Variants in CATSPERB observed in about 807,000 individuals in gnomAD.
The protein encoded by CATSPERB is cation channel sperm-associated auxiliary subunit beta.
In CATSPERB, 93 loss-of-function variants were observed where a neutral mutation model predicts 128.3. The observed-to-expected ratio is 0.72, with a 90% CI of 0.61 to 0.86. The LOEUF is 0.86. CATSPERB is among the 40% of genes least tolerant of loss of function. The pLI is 0.00. For missense variants in CATSPERB, 1,153 were observed against 1,329.5 expected (o/e 0.87, Z 2.06); for synonymous variants, 381 against 448.8 (o/e 0.85, Z 1.91).
intron 11 of CATSPERB, among the ~76,000 whole-genome samples, chr14:91,682,145 C>T (rs1487334266): frequency 3.9e-5 from 6 of 152,162 alleles, no homozygotes; most frequent in Admixed American, 1.3e-4. Context: ...AAGCCACCAA[C>T]CTAAGTACTT....
intron 6 of CATSPERB, among the ~76,000 whole-genome samples, chr14:91,705,658 T>C (rs1895721290): frequency 6.6e-6 from 1 of 152,162 alleles, no homozygotes; most frequent in Admixed American, 6.5e-5. Flanking sequence ...ACAACCCTAT[T>C]TTTCAGTCCT....
rs370343662 is a variant in CATSPERB at position 91,610,978 on chromosome 14, G to T, written c.2401-301C>A. The stretch of plus-strand genomic sequence containing the variant: ...GGCCATACACAAGCCAAGTAGGGGG[G>T]CTGCAGAGGAAACCAACCCTGCTGA... On this transcript the variant is annotated intron_variant, in intron 20 of 26. Coordinates refer to ENST00000256343, the MANE Select transcript of CATSPERB (RefSeq NM_024764.4). Among the ~76,000 whole-genome samples the T allele has an allele frequency of 2.6e-5, 4 of 152,210 alleles. No individual in the cohort carries two copies. The East Asian group carries it at 5.8e-4, about 22-fold the overall frequency.
rs1393769577 is a variant in CATSPERB at position 91,644,039 on chromosome 14, C to T, written c.1433-4789G>A. Reference sequence around the variant, plus strand: ...CAGAGACTAGGATTGCAACCCTTGCCTTTTTTTGTTTTCCATTTGCTTGGT... The same window carrying T: ...CAGAGACTAGGATTGCAACCCTTGCTTTTTTTTGTTTTCCATTTGCTTGGT... On this transcript the variant is annotated intron_variant, in intron 15 of 26. Coordinates refer to ENST00000256343, the MANE Select transcript of CATSPERB (RefSeq NM_024764.4). 8.7e-5 allele frequency among the ~76,000 whole-genome samples: 12 copies of T among 138,434 alleles called. 5 individuals carry two copies. The highest frequency in any genetic ancestry group is 1.6e-4 in the Non-Finnish European group (10 of 62,830). The allele number at this position is 138,434 out of a possible 152,430, so 90.8% of individuals were successfully genotyped here.
At chr14:91,611,997 T>G (rs1893836747) in intron 20 of CATSPERB, among the ~76,000 whole-genome samples, 2 of 150,752 alleles carry the variant, frequency 1.3e-5, no homozygotes, top group South Asian at 4.2e-4. Flanking sequence ...ATAAAATAAC[T>G]TTGATTGTTT....
At chr14:91,708,103 A>G (rs1304164531) in intron 6 of CATSPERB, 38 bp downstream of exon 6, 3 of 1,406,482 alleles carry the variant, frequency 2.1e-6, no homozygotes, top group East Asian at 2.3e-5. Flanking sequence ...TTGAAAGAAT[A>G]TATGAATTCC....
At chr14:91,685,207 A>T (rs1895352203) in intron 10 of CATSPERB, among the ~76,000 whole-genome samples, 1 of 152,206 alleles carries the variant, frequency 6.6e-6, no homozygotes, top group African/African-American at 2.4e-5. Flanking sequence ...GACTATAGGC[A>T]TGAGCCACTA....
chr14:91,587,510 T>C (rs1455644168), intron 25 of CATSPERB, among the ~76,000 whole-genome samples: 1 of 132,708 alleles, frequency 7.5e-6, no homozygotes, highest in Non-Finnish European at 1.6e-5. Context: ...TTTTTTAGAA[T>C]GAGGAGACAA....
intron 15 of CATSPERB, among the ~76,000 whole-genome samples, chr14:91,646,706 C>T (rs1489889547): frequency 3.9e-5 from 6 of 152,210 alleles, no homozygotes; most frequent in Admixed American, 3.9e-4. Context: ...GGGCTCCTTC[C>T]TCTCCAATCT....
At chr14:91,615,885 C>T (rs201296750) in intron 20 of CATSPERB, among the ~76,000 whole-genome samples, 9 of 142,174 alleles carry the variant, frequency 6.3e-5, no homozygotes, top group Admixed American at 1.4e-4. Flanking sequence ...TACAGTTTTC[C>T]TTTTTTTTTT....
intron 22 of CATSPERB, among the ~76,000 whole-genome samples, chr14:91,596,880 A>G (rs575293405): frequency 6.6e-6 from 1 of 152,122 alleles, no homozygotes; most frequent in South Asian, 2.1e-4. Context: ...TAGGTTAGAA[A>G]AAGACATAAT....
rs553412596 is a variant in CATSPERB, at chr14:91,624,176, C to T, written c.1930+644G>A. Among the ~76,000 whole-genome samples the T allele has an allele frequency of 3.9e-4, 60 of 152,176 alleles. 1 individual carries two copies. Among genetic ancestry groups the T allele is most frequent in the African/African-American group, 1.1e-3 (47 of 41,512 alleles). ...CAGCCTGGCTAACAAGGTGAAACCC[C>T]GTCTCCTAAAAAGACAAAAATTAGG... On this transcript the variant is annotated intron_variant, in intron 18 of 26. Coordinates refer to ENST00000256343, the MANE Select transcript of CATSPERB (RefSeq NM_024764.4).
intron 11 of CATSPERB, among the ~76,000 whole-genome samples, chr14:91,682,542 C>T (rs144896616): frequency 7.9e-4 from 121 of 152,260 alleles, no homozygotes; most frequent in Non-Finnish European, 1.5e-3. Flanking sequence ...ACCCTTCCCC[C>T]GGGGCTGCTT....
intron 26 of CATSPERB, 104 bp downstream of exon 26, chr14:91,587,098 C>G: frequency 1.2e-6 from 1 of 831,960 alleles, no homozygotes; most frequent in East Asian, 2.7e-5. Context: ...CCTTGTCCAT[C>G]ACACAAATTC....
intron 17 of CATSPERB, among the ~76,000 whole-genome samples, chr14:91,630,606 C>G (rs193138941): frequency 3.9e-5 from 6 of 152,266 alleles, no homozygotes; most frequent in African/African-American, 1.2e-4. Context: ...GCTCATATCC[C>G]TAACAGGCAA....
chr14:91,620,910 T>A (rs967140535), intron 19 of CATSPERB, among the ~76,000 whole-genome samples: 47 of 152,240 alleles, frequency 3.1e-4, no homozygotes, highest in African/African-American at 1.1e-3. Flanking sequence ...CAAACTGGTG[T>A]TGTTCAAGGG....
intron 5 of CATSPERB, chr14:91,715,192 T>C (rs1895916893): frequency 6.6e-6 from 1 of 152,000 alleles, no homozygotes; most frequent in South Asian, 2.1e-4. Context: ...CTGGGTGAAA[T>C]AAATTTTTAA....
At chr14:91,595,672 G>A (rs1893494552) in intron 22 of CATSPERB, among the ~76,000 whole-genome samples, 1 of 152,150 alleles carries the variant, frequency 6.6e-6, no homozygotes, top group African/African-American at 2.4e-5. Context: ...TTTCCCAAGG[G>A]CTTTATTGGC....
At chr14:91,631,668 A>C (rs748334899) in intron 17 of CATSPERB, among the ~76,000 whole-genome samples, 46 of 152,206 alleles carry the variant, frequency 3.0e-4, no homozygotes, top group Admixed American at 7.2e-4. Context: ...TCCATCTCAA[A>C]AAACAAACAA....
chr14:91,679,310 T>C (rs1329743050), intron 11 of CATSPERB, among the ~76,000 whole-genome samples: 1 of 152,174 alleles, frequency 6.6e-6, no homozygotes, highest in African/African-American at 2.4e-5. Flanking sequence ...AATATATAAT[T>C]CTGTAAGTTG....
Sources: allele counts gnomAD v4.1 joint callset (sites outside exome capture counted in the v4.1 genomes callset), GRCh38; gene constraint gnomAD v4.1.1; transcripts MANE v1.5; gene names NCBI Gene and HGNC (gene_info 2026-07-23, HGNC 2026-07-21).